Variants in SYT14 observed in about 807,000 individuals in gnomAD.
SYT14 encodes synaptotagmin 14.
In SYT14, 32 loss-of-function variants were observed where a neutral mutation model predicts 74.2. That is an observed-to-expected ratio of 0.43 (90% CI 0.33 to 0.58). The LOEUF (loss-of-function observed/expected upper bound fraction) is 0.58, where lower values mean the gene tolerates loss of function less well. SYT14 is among the 20% of genes least tolerant of loss of function. The pLI, the probability that SYT14 is intolerant of heterozygous loss-of-function variation, is 0.05. For synonymous variants in SYT14, 298 were observed against 337.7 expected (o/e 0.88, Z 1.29); for missense variants, 791 against 981.8 (o/e 0.81, Z 2.60).
At chr1:210,002,304 A>G (rs2079915797) in intron 2 of SYT14, among the ~76,000 whole-genome samples, 1 of 151,960 alleles carries the variant, frequency 6.6e-6, no homozygotes, top group African/African-American at 2.4e-5. Flanking sequence ...GCTTTTATGG[A>G]CATTAATATT....
chr1:210,095,854 A>G (rs2081958892), intron 6 of SYT14, among the ~76,000 whole-genome samples: 1 of 152,146 alleles, frequency 6.6e-6, no homozygotes, highest in South Asian at 2.1e-4. Context: ...AGTTTAATAT[A>G]TCATTATTTT....
chr1:209,964,689 A>G (rs995027740), intron 2 of SYT14, among the ~76,000 whole-genome samples: 4 of 152,164 alleles, frequency 2.6e-5, no homozygotes, highest in African/African-American at 9.7e-5. Flanking sequence ...CACAGAGCAC[A>G]CTTCCTCAGC....
rs2078840058 is a variant in SYT14 at position 209,947,423 on chromosome 1, T to G, written c.-533-5286T>G. Among the ~76,000 whole-genome samples, 2 of 152,170 alleles carry G rather than the reference T, an allele frequency of 1.3e-5. 1 individual carries two copies. Among genetic ancestry groups the G allele is most frequent in the South Asian group, 4.1e-4 (2 of 4,822 alleles). On this transcript the variant is annotated intron_variant, in intron 1 of 9. Transcript: ENST00000637265. ...TAATAGGAGTTTGGGAGAAGTTGAT[T>G]CCAACTATCATGGATGACTTTGAAA...
At chr1:210,155,653 G>A in intron 7 of SYT14, 68 bp from the exon 7 acceptor site, 1 of 1,523,910 alleles carries the variant, frequency 6.6e-7, no homozygotes, top group Non-Finnish European at 9.0e-7. Flanking sequence ...AATAAACATG[G>A]CATAACAATA....
At chr1:210,101,762 A>G (rs1381784878) in intron 7 of SYT14, among the ~76,000 whole-genome samples, 1 of 152,104 alleles carries the variant, frequency 6.6e-6, no homozygotes, top group African/African-American at 2.4e-5. Flanking sequence ...AAACTTCTTC[A>G]TTATTTGGTC....
chr1:209,982,152 AATT>A (rs769085245), intron 2 of SYT14, among the ~76,000 whole-genome samples: 4 of 151,638 alleles, frequency 2.6e-5, no homozygotes, highest in African/African-American at 7.3e-5. Flanking sequence ...CTTGTTTATT[AATT>A]ATTATTATTA....
intron 2 of SYT14, among the ~76,000 whole-genome samples, chr1:209,954,438 T>A (rs2078960576): frequency 6.6e-6 from 1 of 152,166 alleles, no homozygotes; most frequent in Non-Finnish European, 1.5e-5. Flanking sequence ...GAATTTTAAT[T>A]CTGCATTTAA....
At chr1:209,944,702 A>G (rs11119372) in intron 1 of SYT14, among the ~76,000 whole-genome samples, 5,183 of 151,968 alleles carry the variant, frequency 0.034, 610 homozygotes, top group Admixed American at 0.23. Flanking sequence ...AGGAATTCCA[A>G]TTTGGGAGGA....
chr1:210,137,777 T>C (rs2082820773), intron 7 of SYT14, among the ~76,000 whole-genome samples: 1 of 150,656 alleles, frequency 6.6e-6, no homozygotes, highest in South Asian at 2.1e-4. Context: ...GCCTCCTGGG[T>C]TCAAGTGATT....
rs138117251 is a variant in SYT14, at chr1:209,991,505, A to G, written c.-485-22128A>G. ...AGACATTTTGCAAAGGAAGACATAC[A>G]TATGGCCAAGAAGCATATGAAAAAA... On this transcript the variant is annotated intron_variant, in intron 2 of 9. Transcript: ENST00000637265. 7.4e-3 allele frequency among the ~76,000 whole-genome samples: 1,124 copies of G among 152,350 alleles called. 12 individuals carry two copies. The highest frequency in any genetic ancestry group is 0.017 in the Middle Eastern group (5 of 294).
At chr1:210,085,509 T>C (rs1308326643) in intron 5 of SYT14, among the ~76,000 whole-genome samples, 2 of 152,358 alleles carry the variant, frequency 1.3e-5, no homozygotes, top group East Asian at 3.9e-4. Flanking sequence ...TTTAGGACTT[T>C]CATGGATACC....
rs1277292797 is a variant in SYT14, at chr1:210,163,734, A to T, written c.*2692A>T. Reference sequence around the variant, plus strand: ...CAAAAAGTTGTCTGTTCTTTTAGAAAAGGATTAAATAAGGCTCAGGGGACC... The same window carrying T: ...CAAAAAGTTGTCTGTTCTTTTAGAATAGGATTAAATAAGGCTCAGGGGACC... On this transcript the variant is annotated 3_prime_UTR_variant, in exon 10 of 10. Transcript: ENST00000637265. 4 of 451,752 alleles carry T rather than the reference A, an allele frequency of 8.9e-6. No homozygotes were observed. In the Admixed American group the frequency reaches 9.4e-5, roughly 11 times the overall value. The allele number at this position is 451,752 out of a possible 1,614,324, so 28.0% of individuals were successfully genotyped here. A position where few individuals can be genotyped will look rare whatever the true frequency, so the allele number is the denominator to read the frequency against.
intron 1 of SYT14, 61 bp downstream of exon 1, chr1:209,938,338 GA>G: frequency 6.6e-7 from 1 of 1,509,246 alleles, no homozygotes. Flanking sequence ...GGGGGGCTCG[GA>G]GGTGCGCCGG....
exon 10 of SYT14, chr1:210,168,366 A>G (rs537751729): frequency 6.6e-6 from 1 of 152,226 alleles, no homozygotes; most frequent in Non-Finnish European, 1.5e-5. Context: ...CTTCTTTATT[A>G]TTCTGATTAT....
intron 5 of SYT14, among the ~76,000 whole-genome samples, chr1:210,055,366 A>G (rs1450003189): frequency 6.6e-6 from 1 of 152,238 alleles, no homozygotes; most frequent in Non-Finnish European, 1.5e-5. Flanking sequence ...GTCTTTATGT[A>G]TAAAATTAAA....
At chr1:210,079,697 T>C (rs1465748513) in intron 5 of SYT14, among the ~76,000 whole-genome samples, 1 of 152,146 alleles carries the variant, frequency 6.6e-6, no homozygotes, top group East Asian at 1.9e-4. Flanking sequence ...GAAAAAACTA[T>C]TTTGAGTCAT....
At chr1:209,972,404 G>A (rs969958412) in intron 2 of SYT14, among the ~76,000 whole-genome samples, 3 of 151,736 alleles carry the variant, frequency 2.0e-5, no homozygotes, top group African/African-American at 4.8e-5. Context: ...TGCCTTTCAG[G>A]TTAGTTTGTT....
At chr1:209,967,876 G>C (rs1291082432) in intron 2 of SYT14, among the ~76,000 whole-genome samples, 8 of 151,610 alleles carry the variant, frequency 5.3e-5, no homozygotes, top group Non-Finnish European at 1.2e-4. Flanking sequence ...TCTTTTTCTG[G>C]TTTAAGATGT....
At chr1:210,010,748 G>A (rs1333146617) in intron 2 of SYT14, among the ~76,000 whole-genome samples, 2 of 152,176 alleles carry the variant, frequency 1.3e-5, no homozygotes, top group African/African-American at 2.4e-5. Flanking sequence ...GAGGCAAGAA[G>A]AGGAGAGAAG....
Sources: gnomAD v4.1 joint callset for allele counts (sites outside exome capture counted in the v4.1 genomes callset) on GRCh38, gnomAD v4.1.1 for gene constraint, MANE v1.5 for transcripts, NCBI Gene and HGNC (gene_info 2026-07-23, HGNC 2026-07-21) for gene names.